Variants in SPAG17 observed in about 807,000 individuals in gnomAD.
SPAG17 encodes sperm-associated antigen 17.
SPAG17 carries 169 observed loss-of-function variants against 273.6 expected under a neutral mutation model. The observed-to-expected ratio is 0.62, with a 90% CI of 0.55 to 0.70. SPAG17 has a LOEUF of 0.70. SPAG17 is among the 30% of genes least tolerant of loss of function. The pLI is 0.00. For synonymous variants in SPAG17, 825 were observed against 873.2 expected (o/e 0.94, Z 0.97); for missense variants, 2,557 against 2,627.8 (o/e 0.97, Z 0.59).
At chr1:118,077,672 G>T (rs1371590036) in intron 15 of SPAG17, among the ~76,000 whole-genome samples, 2 of 152,110 alleles carry the variant, frequency 1.3e-5, no homozygotes, top group Non-Finnish European at 2.9e-5. Context: ...ATCGCCATAA[G>T]AACTCAGGTT....
At chr1:118,104,662 A>G (rs1244267366) in intron 4 of SPAG17, among the ~76,000 whole-genome samples, 1 of 152,238 alleles carries the variant, frequency 6.6e-6, no homozygotes, top group African/African-American at 2.4e-5. Context: ...GTGGATAAAA[A>G]GATAGGGAAA....
chr1:117,970,109 C>CTT lies in SPAG17; in HGVS notation c.6332_6333dup (p.Val2112LysfsTer2). On this transcript the variant is annotated frameshift_variant, in exon 46 of 49. Transcript: ENST00000336338. LOFTEE classifies it high-confidence loss of function. ...CCTGTGCTGGGTGGGGGCTGCTTTA[C>CTT]TTTAAACCTACAAGGCAGAAAGATA... 6.2e-7 allele frequency: 1 copy of CTT among 1,612,030 alleles called. No individual in the cohort carries two copies.
intron 4 of SPAG17, among the ~76,000 whole-genome samples, chr1:118,113,029 C>T (rs896370948): frequency 6.6e-6 from 1 of 151,726 alleles, no homozygotes; most frequent in African/African-American, 2.4e-5. Flanking sequence ...TTATTTTTGC[C>T]CTCACTTTCA....
Position 117,971,858 on chromosome 1 carries a change from C to T in SPAG17, c.6326+5G>A. On this transcript the variant is annotated splice_donor_5th_base_variant and intron_variant, in intron 45 of 48. Coordinates refer to ENST00000336338, the MANE Select transcript of SPAG17 (RefSeq NM_206996.4). ...CTGAGCAGACCTTTGGTCCCTTGGC[C>T]TCACCTGCAGAAGTCCACTCCAACA... The T allele has an allele frequency of 6.2e-7, 1 of 1,611,204 alleles. No individual in the cohort carries two copies. The highest frequency in any genetic ancestry group is 2.2e-5 in the East Asian group (1 of 44,798).
chr1:117,954,681 G>A, intron 48 of SPAG17: 1 of 1,548,830 alleles, frequency 6.5e-7, no homozygotes, highest in Non-Finnish European at 8.8e-7. Flanking sequence ...TACTTACAAG[G>A]ACAAGAAAGG....
intron 46 of SPAG17, among the ~76,000 whole-genome samples, chr1:117,967,295 T>TA (rs1653979197): frequency 2.7e-5 from 2 of 73,234 alleles, no homozygotes; most frequent in African/African-American, 9.9e-5. Flanking sequence ...AAACTCCATC[T>TA]CAAAAAAAAA....
chr1:117,999,841 G>C (rs1310130744), intron 32 of SPAG17, among the ~76,000 whole-genome samples: 1 of 152,138 alleles, frequency 6.6e-6, no homozygotes, highest in African/African-American at 2.4e-5. Flanking sequence ...TATCTCATTT[G>C]TCTATTTTGG....
intron 3 of SPAG17, among the ~76,000 whole-genome samples, chr1:118,120,577 G>C (rs1208593171): frequency 6.6e-6 from 1 of 152,172 alleles, no homozygotes; most frequent in African/African-American, 2.4e-5. Flanking sequence ...GGCGTACTCA[G>C]ATTTATACAG....
intron 3 of SPAG17, among the ~76,000 whole-genome samples, chr1:118,135,560 T>C (rs529498102): frequency 6.6e-6 from 1 of 152,302 alleles, no homozygotes; most frequent in African/African-American, 2.4e-5. Context: ...TTCTGGAGAA[T>C]ATCTTAAGTT....
intron 1 of SPAG17, among the ~76,000 whole-genome samples, chr1:118,165,446 C>T (rs1221407897): frequency 2.0e-5 from 3 of 151,896 alleles, no homozygotes; most frequent in East Asian, 3.9e-4. Context: ...CAAAGAACCT[C>T]GGGTATTTAC....
chr1:117,966,903 C>T (rs949918331), intron 46 of SPAG17, 150 bp from the exon 47 acceptor site: 8 of 597,092 alleles, frequency 1.3e-5, no homozygotes, highest in Non-Finnish European at 2.2e-5. Flanking sequence ...TTATTATAAG[C>T]ATTTAGCGGA....
chr1:118,001,878 T>G (rs962357026), intron 32 of SPAG17, among the ~76,000 whole-genome samples: 1 of 152,136 alleles, frequency 6.6e-6, no homozygotes, highest in Non-Finnish European at 1.5e-5. Flanking sequence ...TTGAATTTGT[T>G]TTCTCTTGTT....
chr1:118,114,326 A>C (rs1360532848), intron 4 of SPAG17, among the ~76,000 whole-genome samples: 2 of 152,158 alleles, frequency 1.3e-5, no homozygotes, highest in African/African-American at 4.8e-5. Context: ...AAATATCTCT[A>C]AAAAACATAA....
intron 3 of SPAG17, among the ~76,000 whole-genome samples, chr1:118,146,252 ACT>A (rs1159303489): frequency 6.6e-6 from 1 of 151,954 alleles, no homozygotes; most frequent in African/African-American, 2.4e-5. Flanking sequence ...TACACGTAGA[ACT>A]CTCTCATCGA....
In SPAG17 at chr1:118,011,697, T is replaced by C. The variant is rs567908773; in HGVS notation, c.4432+531A>G. ...TTTGGCTATATTACAAACCTGTACA[T>C]GTACCCCTTAACTTAAAAGTTTTAA... is the stretch of plus-strand genomic sequence containing the variant. On this transcript the variant is annotated intron_variant, in intron 30 of 48. Transcript: ENST00000336338. Among the ~76,000 whole-genome samples the C allele has an allele frequency of 1.2e-3, 176 of 152,212 alleles. 2 individuals are homozygous for C. The highest frequency in any genetic ancestry group is 4.0e-3 in the African/African-American group (167 of 41,520).
At chr1:118,092,503 A>G (rs1655442159) in intron 8 of SPAG17, among the ~76,000 whole-genome samples, 1 of 152,210 alleles carries the variant, frequency 6.6e-6, no homozygotes. Flanking sequence ...GGCTTGTGCC[A>G]TAATACTGCT....
intron 31 of SPAG17, among the ~76,000 whole-genome samples, chr1:118,006,718 C>G (rs1658927323): frequency 6.6e-6 from 1 of 152,150 alleles, no homozygotes; most frequent in Non-Finnish European, 1.5e-5. Context: ...TCCAAAGTGA[C>G]TTATACCATC....
intron 4 of SPAG17, among the ~76,000 whole-genome samples, chr1:118,107,053 G>C (rs953452628): frequency 1.6e-4 from 24 of 152,192 alleles, no homozygotes; most frequent in Non-Finnish European, 4.4e-5. Context: ...ATAGTTTCCA[G>C]ACATCATCAT....
chr1:118,148,869 G>C (rs2102344258), intron 3 of SPAG17, among the ~76,000 whole-genome samples: 1 of 152,332 alleles, frequency 6.6e-6, no homozygotes, highest in East Asian at 1.9e-4. Flanking sequence ...TGGGATGAGA[G>C]GTACTAGGTA....
Sources: gnomAD v4.1 joint callset for allele counts (sites outside exome capture counted in the v4.1 genomes callset) on GRCh38, gnomAD v4.1.1 for gene constraint, MANE v1.5 for transcripts, NCBI Gene and HGNC (gene_info 2026-07-23, HGNC 2026-07-21) for gene names.